LY6K: variants seen among roughly 807,000 people sequenced by gnomAD.
The protein encoded by LY6K is lymphocyte antigen 6 family member K.
A neutral mutation model predicts 10.4 loss-of-function variants in LY6K; 9 were observed. The ratio of observed to expected loss-of-function variants is 0.87; its 90% confidence interval spans 0.52 to 1.52. The LOEUF (loss-of-function observed/expected upper bound fraction) is 1.52, where lower values mean the gene tolerates loss of function less well. Ranked by LOEUF, LY6K falls within the 40% of genes most tolerant of loss-of-function variation. The pLI is 0.00. For synonymous variants in LY6K, 98 were observed against 83.7 expected, an observed-to-expected ratio of 1.17 and a Z score of -0.94; for missense variants, 217 against 211.7, an observed-to-expected ratio of 1.02 and a Z score of -0.15.
rs1815148576 is a variant in LY6K at position 142,704,487 on chromosome 8, CATG to C, written c.*1117_*1119del. 2 of 152,294 alleles carry C rather than the reference CATG, an allele frequency of 1.3e-5. No homozygotes were observed. The highest frequency in any genetic ancestry group is 6.5e-5 in the Admixed American group (1 of 15,288). 9.4% of individuals were successfully genotyped at this position (152,294 alleles called of 1,614,324 possible). On this transcript the variant is annotated 3_prime_UTR_variant, in exon 3 of 3. Transcript: ENST00000292430. Reference sequence around the variant, plus strand: ...TGAGAGGAATGAGCAGGAGCATTGTCATGGTGGAGAAGGGCTCTCTGGTGAAGC... The same window carrying C: ...TGAGAGGAATGAGCAGGAGCATTGTCGTGGAGAAGGGCTCTCTGGTGAAGC...
intron 2 of LY6K, chr8:142,702,622 T>G (rs1554640341): frequency 6.5e-7 from 1 of 1,534,102 alleles, no homozygotes; most frequent in East Asian, 2.4e-5. Flanking sequence ...CACATCGACT[T>G]TATAACTTAA....
At chr8:142,702,978 G>A (rs913607451) in intron 2 of LY6K, 113 bp from the exon 3 acceptor site, 2 of 1,558,534 alleles carry the variant, frequency 1.3e-6, no homozygotes, top group African/African-American at 1.4e-5. Flanking sequence ...CCAGTTGACT[G>A]TGCACCTTTG....
At chr8:142,702,013 G>A (rs2129929717) in intron 2 of LY6K, 1 of 308,146 alleles carries the variant, frequency 3.2e-6, no homozygotes, top group South Asian at 3.9e-5. Flanking sequence ...TCACCATGTT[G>A]GTCAGGCTGG....
At chr8:142,702,060 C>T (rs1008553459) in intron 2 of LY6K, 13 of 282,990 alleles carry the variant, frequency 4.6e-5, no homozygotes, top group East Asian at 1.7e-4. Flanking sequence ...CACCCGCCCT[C>T]GGCCCCCCAA....
intron 2 of LY6K, 50 bp from the exon 3 acceptor site, chr8:142,703,041 A>G: frequency 6.2e-7 from 1 of 1,606,548 alleles, no homozygotes; most frequent in Non-Finnish European, 8.5e-7. Flanking sequence ...CCTCGGTGTC[A>G]GGCATTGGAA....
At chr8:142,702,518 T>G in intron 2 of LY6K, 1 of 1,535,716 alleles carries the variant, frequency 6.5e-7, no homozygotes, top group African/African-American at 1.4e-5. Context: ...TCAGGGCTCG[T>G]GAATTCTGAT....
chr8:142,702,285 T>C (rs1474082644), intron 2 of LY6K: 10 of 569,906 alleles, frequency 1.8e-5, no homozygotes, highest in East Asian at 8.4e-5. Context: ...GCTTTAATAG[T>C]GTTAAATGCG....
Position 142,703,527 on chromosome 8 carries a change from T to A in LY6K, c.*156T>A. The A allele has an allele frequency of 1.2e-6, 1 of 842,348 alleles. No individual in the cohort carries two copies. Among genetic ancestry groups the A allele is most frequent in the Non-Finnish European group, 1.8e-6 (1 of 559,464 alleles). The allele number at this position is 842,348 out of a possible 1,614,324, so 52.2% of individuals were successfully genotyped here. A position where few individuals can be genotyped will look rare whatever the true frequency, so the allele number is the denominator to read the frequency against. On this transcript the variant is annotated 3_prime_UTR_variant, in exon 3 of 3. Transcript: ENST00000292430. ...GTGGGGATCAGGTGCAGTTGGCTCT[T>A]AACCCTCAAGGGTTCTTTAACTCAC...
At chr8:142,701,084 C>T (rs1815009270) in intron 1 of LY6K, among the ~76,000 whole-genome samples, 1 of 152,122 alleles carries the variant, frequency 6.6e-6, no homozygotes, top group Non-Finnish European at 1.5e-5. Context: ...CAGACCCAAG[C>T]CCCAGGGTCA....
rs1302821325 is a variant in LY6K, at chr8:142,703,104, T to A, written c.231T>A (p.Arg77=). 1 of 1,613,650 alleles carries A rather than the reference T, an allele frequency of 6.2e-7. No individual in the cohort carries two copies. The highest frequency in any genetic ancestry group is 2.2e-5 in the East Asian group (1 of 44,866). ...ATTTCCTATTAGAAATATTTCCACG[T>A]TTTTTCATGGTTGCGAAGCAGTGCT... ...CVIAAVKIFP[R]FFMVAKQCSA... is the part of the protein sequence containing the mutation. Residue 77 remains arginine (R), a synonymous_variant, in exon 3 of 3, where the codon CGT becomes CGA. Coordinates refer to ENST00000292430, the MANE Select transcript of LY6K (RefSeq NM_017527.4).
rs370718147 is a variant in LY6K, at chr8:142,703,353, C to T, written c.480C>T (p.Ala160=). Residue 160 remains alanine, a synonymous_variant, in exon 3 of 3, where the codon GCC becomes GCT. Coordinates refer to ENST00000292430, the MANE Select transcript of LY6K (RefSeq NM_017527.4). ...AILLLLASIA[A]GLSLS ...TCCTGCTGCTGGCCTCCATTGCAGCCGGCCTCAGCCTGTCTTGAGCCACGG... is the reference window on the plus strand; with the variant it reads ...TCCTGCTGCTGGCCTCCATTGCAGCTGGCCTCAGCCTGTCTTGAGCCACGG... 77 of 1,610,776 alleles carry T rather than the reference C, an allele frequency of 4.8e-5. No homozygotes were observed. Among genetic ancestry groups the T allele is most frequent in the East Asian group, 4.0e-4 (18 of 44,870 alleles).
chr8:142,701,725 C>T lies in LY6K; in HGVS notation c.217+12C>T, dbSNP rs1427048600. 7 of 1,584,438 alleles carry T rather than the reference C, an allele frequency of 4.4e-6. No individual in the cohort carries two copies. In the East Asian group the frequency reaches 6.7e-5, roughly 15 times the overall value. Reference sequence around the variant, plus strand: ...TATAGCGGCCGTGAGTGAGTATCTTCGCTCTTGTTGGGGACCCAAAGGCAG... The same window carrying T: ...TATAGCGGCCGTGAGTGAGTATCTTTGCTCTTGTTGGGGACCCAAAGGCAG... On this transcript the variant is annotated intron_variant, in intron 2 of 2. Coordinates refer to ENST00000292430, the MANE Select transcript of LY6K (RefSeq NM_017527.4).
In LY6K at chr8:142,703,317, G is replaced by T. The variant is rs1815119694; in HGVS notation, c.444G>T (p.Trp148Cys). 1.2e-6 allele frequency: 2 copies of T among 1,613,236 alleles called. No individual in the cohort carries two copies. Among genetic ancestry groups the T allele is most frequent in the Non-Finnish European group, 1.7e-6 (2 of 1,179,880 alleles). The change falls in exon 3 of 3, where the codon TGG (tryptophan) becomes TGT (cysteine). Residue 148 changes from tryptophan to cysteine, a missense_variant. Physicochemically the swap from Trp to Cys is radical, Grantham distance 215 (BLOSUM62 -2). Transcript: ENST00000292430. ...TGGGTGAGAGCTGTGGTGGGCTGTG[G>T]CTGGCCATCCTCCTGCTGCTGGCCT... is the stretch of plus-strand genomic sequence containing the variant. ...GSMGESCGGL[W>C]LAILLLLASI...
chr8:142,703,336 C>G lies in LY6K; in HGVS notation c.463C>G (p.Leu155Val), dbSNP rs1554640506. ...GGLWLAILLL[L>V]ASIAAGLSLS ...GCTGTGGCTGGCCATCCTCCTGCTG[C>G]TGGCCTCCATTGCAGCCGGCCTCAG... is the stretch of plus-strand genomic sequence containing the variant. Residue 155 changes from leucine to valine, a missense_variant, in exon 3 of 3, where the codon CTG becomes GTG. Leu to Val is a conservative substitution (Grantham distance 32). Transcript: ENST00000292430. 1.9e-6 allele frequency: 3 copies of G among 1,612,476 alleles called. No homozygotes were observed. Among genetic ancestry groups the G allele is most frequent in the Non-Finnish European group, 2.5e-6 (3 of 1,179,714 alleles).
intron 1 of LY6K, among the ~76,000 whole-genome samples, chr8:142,701,212 G>A (rs1477674252): frequency 2.0e-5 from 3 of 152,252 alleles, no homozygotes; most frequent in African/African-American, 7.2e-5. Flanking sequence ...GTGCTTGGAT[G>A]TGGGAGGACG....
Position 142,700,213 on chromosome 8 carries a change from G to A in LY6K, c.-315G>A, listed in dbSNP as rs587686343. 1,112 of 679,872 alleles carry A rather than the reference G, an allele frequency of 1.6e-3. 2 individuals are homozygous for A. Among genetic ancestry groups the A allele is most frequent in the Middle Eastern group, 0.011 (19 of 1,744 alleles). 42.1% of individuals were successfully genotyped at this position (679,872 alleles called of 1,614,324 possible). A position where few individuals can be genotyped will look rare whatever the true frequency, so the allele number is the denominator to read the frequency against. ...GGGGTCCTCAAGGAGACGGCCCTTG[G>A]GCTCAGGGGCTGCGTTTCCACACGC... On this transcript the variant is annotated 5_prime_UTR_variant, in exon 1 of 3. Transcript: ENST00000292430.
chr8:142,701,803 A>G lies in LY6K; in HGVS notation c.217+90A>G, dbSNP rs148085032. On this transcript the variant is annotated intron_variant, in intron 2 of 2. Transcript: ENST00000292430. ...GCTGTCTAGTTTTCCTCAATGGGGAATAACTAATAGAAAGTAGCCTTTTTT... is the reference window on the plus strand; with the variant it reads ...GCTGTCTAGTTTTCCTCAATGGGGAGTAACTAATAGAAAGTAGCCTTTTTT... The G allele has an allele frequency of 2.6e-4, 208 of 790,326 alleles. 2 individuals carry two copies. In the East Asian group the frequency reaches 5.5e-3, roughly 21 times the overall value. The allele number at this position is 790,326 out of a possible 1,614,324, so 49.0% of individuals were successfully genotyped here. A position where few individuals can be genotyped will look rare whatever the true frequency, so the allele number is the denominator to read the frequency against.
Position 142,700,625 on chromosome 8 carries a change from G to T in LY6K, c.98G>T (p.Arg33Leu). 6.4e-7 allele frequency: 1 copy of T among 1,553,908 alleles called. No individual in the cohort carries two copies. Among genetic ancestry groups the T allele is most frequent in the Non-Finnish European group, 8.7e-7 (1 of 1,151,748 alleles). The part of the protein sequence containing the change: ...ARQRDPEDSQ[R>L]TDEGDNRVWC... ...CAACGAGATCCAGAGGACTCCCAGC[G>T]AACGGGTGAGCCTGGCTCGCCCTCC... Residue 33 changes from arginine (R) to leucine (L), a missense_variant, in exon 1 of 3, where the codon CGA becomes CTA. Coordinates refer to ENST00000292430, the MANE Select transcript of LY6K (RefSeq NM_017527.4).
Position 142,703,746 on chromosome 8 carries a change from G to A in LY6K, c.*375G>A, listed in dbSNP as rs587747140. On this transcript the variant is annotated 3_prime_UTR_variant, in exon 3 of 3. Coordinates refer to ENST00000292430, the MANE Select transcript of LY6K (RefSeq NM_017527.4). ...GGAGAGTATGTGCTGAGATGCTTCC[G>A]ACCTTTCAGGTGACGCAGGAACACT... is the stretch of plus-strand genomic sequence containing the variant. 5.2e-5 allele frequency: 11 copies of A among 209,840 alleles called. No individual in the cohort carries two copies. The East Asian group carries it at 9.9e-4, about 19-fold the overall frequency. 13.0% of individuals were successfully genotyped at this position (209,840 alleles called of 1,614,324 possible). A position where few individuals can be genotyped will look rare whatever the true frequency, so the allele number is the denominator to read the frequency against.
Sources: gnomAD v4.1 joint callset for allele counts (sites outside exome capture counted in the v4.1 genomes callset) on GRCh38, gnomAD v4.1.1 for gene constraint, MANE v1.5 for transcripts, NCBI Gene and HGNC (gene_info 2026-07-23, HGNC 2026-07-21) for gene names.